DMD: variants seen among roughly 807,000 people sequenced by gnomAD.
The protein encoded by DMD is dystrophin, also known as mutant dystrophin.
DMD carries 63 observed loss-of-function variants against 330.1 expected under a neutral mutation model. The ratio of observed to expected loss-of-function variants is 0.19; its 90% confidence interval spans 0.16 to 0.24. The LOEUF is 0.24. Among genes scored for constraint, DMD ranks in the 10% least tolerant of loss-of-function variants. The pLI is 1.00. For synonymous variants in DMD, 1,223 were observed against 959.8 expected, an observed-to-expected ratio of 1.27 and a Z score of -5.07; for missense variants, 3,344 against 2,684.1, an observed-to-expected ratio of 1.25 and a Z score of -5.43.
intron 61 of DMD, among the ~76,000 whole-genome samples, chrX:31,341,891 G>GCGCGCGCACACACACACA (rs374298104): frequency 1.5e-4 from 15 of 98,874 alleles, no homozygotes; most frequent in African/African-American, 4.0e-4. Context: ...GTGCGCGCGC[G>GCGCGCGCACACACACACA]CACACACACA....
At position 32,542,260 on chromosome X, in the gene DMD, C is replaced by A. The variant is rs777683328; in HGVS notation, c.2168+2899G>T. Among the ~76,000 whole-genome samples the A allele has an allele frequency of 3.6e-5, 4 of 111,168 alleles. No individual in the cohort carries two copies. In the Admixed American group the frequency reaches 3.9e-4, roughly 11 times the overall value. Reference sequence around the variant, plus strand: ...CCTGGCCAAGATGGTGAAACCCTGTCTCTACTAAAAAATACAAAAAAAATT... The same window carrying A: ...CCTGGCCAAGATGGTGAAACCCTGTATCTACTAAAAAATACAAAAAAAATT... On this transcript the variant is annotated intron_variant, in intron 17 of 78. Coordinates refer to ENST00000357033, the MANE Select transcript of DMD (RefSeq NM_004006.3).
intron 27 of DMD, among the ~76,000 whole-genome samples, chrX:32,442,951 A>C (rs752039517): frequency 5.4e-5 from 6 of 110,896 alleles, no homozygotes; most frequent in African/African-American, 2.0e-4. Context: ...TTTCACTCAT[A>C]TGTGTGTGGA....
rs2078926352 is a variant in DMD at position 31,627,823 on chromosome X, T to G, written c.8067A>C (p.Arg2689Ser). 8.3e-7 allele frequency: 1 copy of G among 1,208,242 alleles called. No individual in the cohort carries two copies. The highest frequency in any genetic ancestry group is 1.8e-5 in the African/African-American group (1 of 56,970). The change falls in exon 55 of 79, where the codon AGA becomes AGC. Residue 2689 changes from arginine to serine, a missense_variant. Arg to Ser is a moderately radical substitution (Grantham distance 110, BLOSUM62 -1). Transcript: ENST00000357033. ...EREAALEETH[R>S]LLQQFPLDLE... ...GGTCCAGGGGGAACTGTTGCAGTAATCTATGAGTTTCTTCCAAAGCAGCCT... is the reference window on the plus strand; with the variant it reads ...GGTCCAGGGGGAACTGTTGCAGTAAGCTATGAGTTTCTTCCAAAGCAGCCT...
At chrX:32,051,307 A>C (rs113689984) in intron 44 of DMD, among the ~76,000 whole-genome samples, 23,182 of 109,894 alleles carry the variant, frequency 0.21, 1,848 homozygotes, top group East Asian at 0.34. Context: ...TAACCCCATA[A>C]TTTATAAATG....
chrX:32,272,840 T>C (rs1333687538), intron 43 of DMD, among the ~76,000 whole-genome samples: 1 of 112,041 alleles, frequency 8.9e-6, no homozygotes, highest in Non-Finnish European at 1.9e-5. Flanking sequence ...TTTCAGTACA[T>C]TGTCATAATA....
intron 16 of DMD, among the ~76,000 whole-genome samples, chrX:32,557,974 T>C: frequency 9.1e-6 from 1 of 110,253 alleles, no homozygotes. Context: ...ATAATTAATT[T>C]ATTACTGTAA....
At chrX:33,238,494 C>G (rs1007095199) in intron 1 of DMD, among the ~76,000 whole-genome samples, 1 of 110,938 alleles carries the variant, frequency 9.0e-6, no homozygotes, top group African/African-American at 3.3e-5. Flanking sequence ...TCTCTCCCCC[C>G]TGTTTGTGTG....
At chrX:32,298,266 G>A (rs952867286) in intron 42 of DMD, among the ~76,000 whole-genome samples, 2 of 110,846 alleles carry the variant, frequency 1.8e-5, no homozygotes, top group African/African-American at 6.6e-5. Context: ...TTGGATCAGA[G>A]TGGAGGCAGG....
chrX:31,617,534 CAAAAAAAAAAAAA>C (rs749572753), intron 55 of DMD, among the ~76,000 whole-genome samples: 5 of 32,050 alleles, frequency 1.6e-4, no homozygotes, highest in Non-Finnish European at 1.7e-4. Flanking sequence ...GACTTCGTCT[CAAAAAAAAAAAAA>C]AAAAAAAAAA....
chrX:33,265,175 C>G (rs753421446), intron 1 of DMD, among the ~76,000 whole-genome samples: 1 of 109,905 alleles, frequency 9.1e-6, no homozygotes, highest in Admixed American at 9.7e-5. Flanking sequence ...CCCTAAAGAA[C>G]TGTAGACTTG....
chrX:32,983,502 A>G (rs934111506), intron 2 of DMD, among the ~76,000 whole-genome samples: 1 of 105,654 alleles, frequency 9.5e-6, no homozygotes, highest in African/African-American at 3.4e-5. Flanking sequence ...ACACCTGCAC[A>G]TGTGATGAAA....
chrX:31,273,047 T>C (rs2051789459), intron 62 of DMD, among the ~76,000 whole-genome samples: 1 of 112,118 alleles, frequency 8.9e-6, no homozygotes, highest in Non-Finnish European at 1.9e-5. Context: ...AACAGTATGC[T>C]TTGGCCTTAG....
intron 49 of DMD, among the ~76,000 whole-genome samples, chrX:31,835,758 A>C: frequency 8.9e-6 from 1 of 111,766 alleles, no homozygotes; most frequent in Non-Finnish European, 1.9e-5. Context: ...TAGAGACAGA[A>C]TCTAAGTCAT....
intron 18 of DMD, among the ~76,000 whole-genome samples, chrX:32,512,767 G>T (rs1043085281): frequency 1.2e-4 from 13 of 112,273 alleles, no homozygotes; most frequent in African/African-American, 4.2e-4. Flanking sequence ...TGCAACGAGA[G>T]AGACAGCGCA....
chrX:33,208,911 C>T (rs2051731873), intron 1 of DMD, among the ~76,000 whole-genome samples: 1 of 110,725 alleles, frequency 9.0e-6, no homozygotes, highest in Non-Finnish European at 1.9e-5. Context: ...TGAAAAACAC[C>T]TGATGTTTCC....
chrX:31,444,665 A>C (rs1041250332), intron 59 of DMD, 38 bp from the exon 60 acceptor site: 1 of 1,199,148 alleles, frequency 8.3e-7, no homozygotes, highest in Non-Finnish European at 1.1e-6. Context: ...GAAGATGAGA[A>C]TATTTAAAAC....
chrX:32,889,932 A>AG (rs1176101682), intron 2 of DMD, among the ~76,000 whole-genome samples: 8 of 111,038 alleles, frequency 7.2e-5, no homozygotes, highest in Non-Finnish European at 1.3e-4. Flanking sequence ...CCCCAGAGAA[A>AG]GGGGGGGCAT....
At chrX:31,170,819 C>CTAAAGCT (rs1303742404) in intron 73 of DMD, among the ~76,000 whole-genome samples, 1 of 111,785 alleles carries the variant, frequency 8.9e-6, no homozygotes, top group Non-Finnish European at 1.9e-5. Flanking sequence ...TCAGAATAAG[C>CTAAAGCT]TAAAGCTTAT....
intron 55 of DMD, among the ~76,000 whole-genome samples, chrX:31,575,479 C>T (rs916356440): frequency 1.8e-5 from 2 of 111,769 alleles, no homozygotes; most frequent in African/African-American, 6.5e-5. Context: ...GGTTTGTCCT[C>T]AGATATTAAC....
Sources: gnomAD v4.1 joint callset for allele counts (sites outside exome capture counted in the v4.1 genomes callset) on GRCh38, gnomAD v4.1.1 for gene constraint, MANE v1.5 for transcripts, NCBI Gene and HGNC (gene_info 2026-07-23, HGNC 2026-07-21) for gene names.